TDP1: variants seen among roughly 807,000 people sequenced by gnomAD.
TDP1 encodes the protein tyr-DNA phosphodiesterase 1.
In TDP1, 64 loss-of-function variants were observed where a neutral mutation model predicts 81.5. The ratio of observed to expected loss-of-function variants is 0.79; its 90% confidence interval spans 0.64 to 0.97. The LOEUF (loss-of-function observed/expected upper bound fraction) is 0.97. TDP1 is among the 50% of genes least tolerant of loss of function. The pLI, the probability that TDP1 is intolerant of heterozygous loss-of-function variation, is 0.00. For synonymous variants in TDP1, 256 were observed against 264.3 expected, an observed-to-expected ratio of 0.97 and a Z score of 0.30; for missense variants, 723 against 743.8, an observed-to-expected ratio of 0.97 and a Z score of 0.33.
At chr14:90,000,123 G>A (rs1192923990) in intron 14 of TDP1, among the ~76,000 whole-genome samples, 2 of 152,128 alleles carry the variant, frequency 1.3e-5, no homozygotes, top group East Asian at 3.9e-4. Context: ...CTTGTTGGCT[G>A]TCAGCCCGGC....
intron 15 of TDP1, among the ~76,000 whole-genome samples, chr14:90,026,972 C>T (rs1028910444): frequency 7.2e-5 from 11 of 152,150 alleles, no homozygotes; most frequent in Non-Finnish European, 1.2e-4. Context: ...TGGGTATATA[C>T]CCAGTAATGG....
chr14:89,975,343 T>A, intron 6 of TDP1: 7 of 905,210 alleles, frequency 7.7e-6, no homozygotes, highest in Non-Finnish European at 9.2e-6. Flanking sequence ...CCCAAAGTGC[T>A]GGGATTACAG....
chr14:89,978,437 A>G (rs1010444295), intron 7 of TDP1, among the ~76,000 whole-genome samples: 1 of 152,180 alleles, frequency 6.6e-6, no homozygotes, highest in Non-Finnish European at 1.5e-5. Flanking sequence ...TGCTTGCCAT[A>G]TGTTAGTTCT....
Position 90,044,603 on chromosome 14 carries a change from C to G in TDP1, c.*1460C>G, listed in dbSNP as rs35944390. On this transcript the variant is annotated 3_prime_UTR_variant, in exon 17 of 17. Transcript: ENST00000335725. ...CTGCAGTGGGGGTGTGGCGATAGAGCAGGAGGCAGGGAGACAGGGCTGCAG... is the reference window on the plus strand; with the variant it reads ...CTGCAGTGGGGGTGTGGCGATAGAGGAGGAGGCAGGGAGACAGGGCTGCAG... 0.058 allele frequency: 8,895 copies of G among 152,390 alleles called. 445 individuals are homozygous for G. The highest frequency in any genetic ancestry group is 0.13 in the African/African-American group (5,550 of 41,502). The allele number at this position is 152,390 out of a possible 1,614,324, so 9.4% of individuals were successfully genotyped here. A position where few individuals can be genotyped will look rare whatever the true frequency, so the allele number is the denominator to read the frequency against.
At chr14:89,999,849 A>G (rs1412900267) in intron 14 of TDP1, among the ~76,000 whole-genome samples, 2 of 152,246 alleles carry the variant, frequency 1.3e-5, no homozygotes, top group African/African-American at 2.4e-5. Context: ...CTTAATAGAC[A>G]TTCTTTGTTT....
At chr14:90,025,367 C>T (rs1886532592) in intron 15 of TDP1, among the ~76,000 whole-genome samples, 1 of 152,112 alleles carries the variant, frequency 6.6e-6, no homozygotes, top group Admixed American at 6.6e-5. Flanking sequence ...GCTGATAAGT[C>T]GCTGGTACCA....
At chr14:90,030,330 G>C (rs780273555) in intron 15 of TDP1, among the ~76,000 whole-genome samples, 17 of 152,100 alleles carry the variant, frequency 1.1e-4, no homozygotes, top group Non-Finnish European at 2.1e-4. Context: ...CTGTTCTCAC[G>C]CTTGGTATTC....
chr14:89,958,694 G>A (rs1030814202), intron 2 of TDP1, among the ~76,000 whole-genome samples: 1 of 152,170 alleles, frequency 6.6e-6, no homozygotes, highest in Non-Finnish European at 1.5e-5. Flanking sequence ...GTGGGAAGAG[G>A]GGTTATCAAT....
At chr14:89,983,333 A>G in intron 8 of TDP1, 1 of 312,714 alleles carries the variant, frequency 3.2e-6, no homozygotes, top group Non-Finnish European at 6.3e-6. Context: ...TCATCACACC[A>G]TGCTACCTCC....
chr14:90,031,688 A>G (rs1003707645), intron 15 of TDP1, among the ~76,000 whole-genome samples: 2 of 151,956 alleles, frequency 1.3e-5, no homozygotes, highest in African/African-American at 4.8e-5. Context: ...AAAAGTGGCC[A>G]ACTGTCCCAC....
chr14:89,958,605 T>G (rs1404492691), intron 2 of TDP1, among the ~76,000 whole-genome samples: 1 of 152,072 alleles, frequency 6.6e-6, no homozygotes, highest in Non-Finnish European at 1.5e-5. Flanking sequence ...GGCATGACAA[T>G]GTAAAAAACC....
At chr14:90,020,988 G>T (rs139029209) in intron 15 of TDP1, among the ~76,000 whole-genome samples, 5,912 of 151,696 alleles carry the variant, frequency 0.039, 382 homozygotes, top group African/African-American at 0.13. Flanking sequence ...TAGAGACGGG[G>T]TTTCACCATG....
intron 8 of TDP1, among the ~76,000 whole-genome samples, chr14:89,982,662 G>T (rs567931246): frequency 2.0e-5 from 3 of 151,846 alleles, no homozygotes; most frequent in Non-Finnish European, 2.9e-5. Context: ...TTTAAAAAAA[G>T]TATTTTTTAA....
At chr14:90,041,374 G>C (rs1566936163) in intron 16 of TDP1, among the ~76,000 whole-genome samples, 2 of 152,304 alleles carry the variant, frequency 1.3e-5, no homozygotes, top group South Asian at 2.1e-4. Flanking sequence ...GAAGTGTTTG[G>C]TTTCATGCTT....
intron 8 of TDP1, chr14:89,983,032 T>G: frequency 2.3e-6 from 1 of 436,072 alleles, no homozygotes; most frequent in South Asian, 1.7e-5. Context: ...TTATAATAAT[T>G]TTCTCATTTT....
At position 90,033,183 on chromosome 14, in the gene TDP1, T is replaced by C; in HGVS notation, c.1722T>C (p.Tyr574=). Residue 574 remains tyrosine (Y), a synonymous_variant, in exon 16 of 17, where the codon TAT becomes TAC. Transcript: ENST00000335725. ...QEPMATFPVP[Y]DLPPELYGSK... ...CAATGGCCACCTTTCCTGTGCCATA[T>C]GATTTGCCTCCAGAACTGTATGGAA... 2 of 1,611,748 alleles carry C rather than the reference T, an allele frequency of 1.2e-6. No homozygotes were observed. The highest frequency in any genetic ancestry group is 8.5e-7 in the Non-Finnish European group (1 of 1,177,926).
intron 15 of TDP1, among the ~76,000 whole-genome samples, chr14:90,026,934 C>G (rs993955629): frequency 6.6e-6 from 1 of 152,168 alleles, no homozygotes; most frequent in African/African-American, 2.4e-5. Context: ...GTGCATGTGT[C>G]TTTATAGCAG....
intron 2 of TDP1, among the ~76,000 whole-genome samples, chr14:89,957,406 TA>T (rs930145122): frequency 1.3e-5 from 2 of 152,180 alleles, no homozygotes; most frequent in Admixed American, 6.5e-5. Flanking sequence ...TTTCACAGAC[TA>T]AAAAACTGAG....
rs1448645133 is a variant in TDP1 at position 90,043,346 on chromosome 14, C to T, written c.*203C>T. The stretch of plus-strand genomic sequence containing the variant: ...AATAAAGTATTAGTTTCTTAATTCA[C>T]TTTTATATGTTTTGGAAAGAAAATT... On this transcript the variant is annotated 3_prime_UTR_variant, in exon 17 of 17. Transcript: ENST00000335725. 6.2e-6 allele frequency: 4 copies of T among 647,282 alleles called. No homozygotes were observed. Among genetic ancestry groups the T allele is most frequent in the African/African-American group, 3.7e-5 (2 of 54,740 alleles). The allele number at this position is 647,282 out of a possible 1,614,324, so 40.1% of individuals were successfully genotyped here.
Sources: gnomAD v4.1 joint callset for allele counts (sites outside exome capture counted in the v4.1 genomes callset) on GRCh38, gnomAD v4.1.1 for gene constraint, MANE v1.5 for transcripts, NCBI Gene and HGNC (gene_info 2026-07-23, HGNC 2026-07-21) for gene names.